SEC14L3: variants seen among roughly 807,000 people sequenced by gnomAD.
SEC14L3 encodes the protein SEC14 like lipid binding 3.
SEC14L3 carries 56 observed loss-of-function variants against 57.4 expected under a neutral mutation model. The observed-to-expected ratio is 0.97, with a 90% CI of 0.79 to 1.22. The LOEUF (loss-of-function observed/expected upper bound fraction) is 1.22, where lower values mean the gene tolerates loss of function less well. SEC14L3 is among the 50% of genes most tolerant of loss of function. The pLI, the probability that SEC14L3 is intolerant of heterozygous loss-of-function variation, is 0.00. For missense variants in SEC14L3, 485 were observed against 511.7 expected (o/e 0.95, Z 0.50); for synonymous variants, 173 against 194.4 (o/e 0.89, Z 0.92).
rs116180803 is a variant in SEC14L3, at chr22:30,461,712, G to A, written c.772-18C>T. On this transcript the variant is annotated intron_variant, in intron 9 of 11. Transcript: ENST00000215812. ...TAGTTAATCTGCGGACATGGGATGA[G>A]ATGGGCTTGCTTCCGTCTCCTGGCC... 1.9e-3 allele frequency: 3,017 copies of A among 1,607,304 alleles called. 29 individuals carry two copies. The highest frequency in any genetic ancestry group is 0.017 in the South Asian group (1,568 of 90,036).
At position 30,464,907 on chromosome 22, in the gene SEC14L3, G is replaced by C; in HGVS notation, c.581-4C>G. 6.2e-7 allele frequency: 1 copy of C among 1,613,778 alleles called. No individual in the cohort carries two copies. The highest frequency in any genetic ancestry group is 8.5e-7 in the Non-Finnish European group (1 of 1,179,666). On this transcript the variant is annotated splice_region_variant and splice_polypyrimidine_tract_variant and intron_variant, in intron 7 of 11. Transcript: ENST00000215812. The stretch of plus-strand genomic sequence containing the variant: ...CCCACAGGGAACAGTTTGGTAGCTG[G>C]AGAGATAGAAGTAAGGATAATGGGA...
rs1935188869 is a variant in SEC14L3 at position 30,459,641 on chromosome 22, A to G, written c.*380T>C. The G allele has an allele frequency of 1.0e-6, 1 of 1,004,770 alleles. No homozygotes were observed. Among genetic ancestry groups the G allele is most frequent in the Non-Finnish European group, 1.2e-6 (1 of 840,460 alleles). The allele number at this position is 1,004,770 out of a possible 1,614,324, so 62.2% of individuals were successfully genotyped here. A position where few individuals can be genotyped will look rare whatever the true frequency, so the allele number is the denominator to read the frequency against. On this transcript the variant is annotated 3_prime_UTR_variant, in exon 12 of 12. Transcript: ENST00000215812. ...TCTACTATATATAGGGAGTGGAAGTAAAAAGGATTTAGATATGTCTCCAAC... is the reference window on the plus strand; with the variant it reads ...TCTACTATATATAGGGAGTGGAAGTGAAAAGGATTTAGATATGTCTCCAAC...
chr22:30,456,045 C>T (rs567569582), downstream of SEC14L3, among the ~76,000 whole-genome samples: 10 of 152,222 alleles, frequency 6.6e-5, no homozygotes, highest in East Asian at 5.8e-4. Context: ...AGGTGGCTCA[C>T]GCTTGTAATC....
At chr22:30,466,257 A>T in intron 7 of SEC14L3, 77 bp downstream of exon 7, 1 of 1,393,436 alleles carries the variant, frequency 7.2e-7, no homozygotes, top group Non-Finnish European at 1.0e-6. Flanking sequence ...CAATCCTGGG[A>T]CAAAGACAGT....
At chr22:30,468,848 G>C in intron 4 of SEC14L3, 152 bp from the exon 5 acceptor site, 1 of 1,558,030 alleles carries the variant, frequency 6.4e-7, no homozygotes, top group Non-Finnish European at 8.7e-7. Flanking sequence ...AGGTGAGAAA[G>C]CTGAGGTCCT....
At chr22:30,469,867 C>T in intron 4 of SEC14L3, 152 bp downstream of exon 4, 1 of 626,170 alleles carries the variant, frequency 1.6e-6, no homozygotes. Flanking sequence ...CTTGCAAGCC[C>T]CCAGGAAACA....
chr22:30,471,758 G>A, intron 1 of SEC14L3, 147 bp downstream of exon 1: 1 of 1,145,558 alleles, frequency 8.7e-7, no homozygotes, highest in Non-Finnish European at 1.3e-6. Context: ...GGGCACCGTG[G>A]GGCTTGACCC....
chr22:30,463,675 C>T (rs1335968813), intron 8 of SEC14L3, among the ~76,000 whole-genome samples: 1 of 152,208 alleles, frequency 6.6e-6, no homozygotes, highest in Non-Finnish European at 1.5e-5. Flanking sequence ...CCTCAGTTCT[C>T]CTAATTCTGT....
chr22:30,460,184 C>T (rs752372929), intron 11 of SEC14L3, 42 bp from the exon 12 acceptor site: 1 of 1,603,004 alleles, frequency 6.2e-7, no homozygotes, highest in South Asian at 1.1e-5. Flanking sequence ...CTTGGCTTTA[C>T]ACACTCTTTT....
chr22:30,470,067 G>A lies in SEC14L3; in HGVS notation c.186C>T (p.Phe62=), dbSNP rs368585680. 1 of 1,598,208 alleles carries A rather than the reference G, an allele frequency of 6.3e-7. No homozygotes were observed. The highest frequency in any genetic ancestry group is 1.3e-5 in the African/African-American group (1 of 74,340). Residue 62 remains phenylalanine (F), a synonymous_variant, in exon 4 of 12, where the codon TTC becomes TTT. Transcript: ENST00000215812. ...TATGGTCAATATCCATGGTCTTCCG[G>A]AACTCCATGTACTGAAAGGGAAATG... ...SEALLRKYME[F]RKTMDIDHIL...
At chr22:30,457,627 C>G (rs1415375445), downstream of SEC14L3, among the ~76,000 whole-genome samples, 5 of 151,950 alleles carry the variant, frequency 3.3e-5, no homozygotes. Flanking sequence ...AAGTGATCCG[C>G]CTGCCTTGGC....
chr22:30,466,461 A>C (rs1220544367), intron 6 of SEC14L3, 67 bp from the exon 7 acceptor site: 1 of 1,610,882 alleles, frequency 6.2e-7, no homozygotes, highest in African/African-American at 1.3e-5. Context: ...TCTCCTGTGC[A>C]ATCTCCTGTT....
chr22:30,448,613 A>T (rs1934922508), exon 13 of SEC14L3: 2 of 151,256 alleles, frequency 1.3e-5, no homozygotes, highest in African/African-American at 2.5e-5. Context: ...TGGCTCACAC[A>T]TGTAATCCTA....
chr22:30,459,307 T>A lies in SEC14L3; in HGVS notation c.*714A>T. 1 of 985,436 alleles carries A rather than the reference T, an allele frequency of 1.0e-6. No homozygotes were observed. The highest frequency in any genetic ancestry group is 1.2e-6 in the Non-Finnish European group (1 of 829,934). 61.0% of individuals were successfully genotyped at this position (985,436 alleles called of 1,614,324 possible). The stretch of plus-strand genomic sequence containing the variant: ...AGGAAAGTCCCTAAAACATAAGCTA[T>A]GTGCAACAAGGGAAGTGGGTTAGGG... On this transcript the variant is annotated 3_prime_UTR_variant, in exon 12 of 12. Transcript: ENST00000215812.
intron 8 of SEC14L3, 112 bp from the exon 9 acceptor site, chr22:30,462,304 G>T: frequency 2.1e-6 from 3 of 1,445,936 alleles, no homozygotes; most frequent in South Asian, 3.0e-5. Flanking sequence ...GAGGTAGGCT[G>T]CCAGGACCAA....
chr22:30,463,838 A>G (rs998622884), intron 8 of SEC14L3, among the ~76,000 whole-genome samples: 9 of 152,240 alleles, frequency 5.9e-5, no homozygotes, highest in African/African-American at 2.2e-4. Flanking sequence ...ATTATTATAC[A>G]GTTTAGAAAT....
At position 30,470,238 on chromosome 22, in the gene SEC14L3, G is replaced by A. The variant is rs765163648; in HGVS notation, c.148C>T (p.Gln50Ter). Residue 50 changes from glutamine (Q) to a stop codon, truncating the protein, a stop_gained, in exon 3 of 12, where the codon CAG becomes TAG. Coordinates refer to ENST00000215812, the MANE Select transcript of SEC14L3 (RefSeq NM_174975.5). LOFTEE classifies it high-confidence loss of function. ...TTGCGGAGCAAAGCCTCCGACTTCT[G>A]CAAGTCAAAATTCCGAGCTGTGGGA... is the stretch of plus-strand genomic sequence containing the variant. ...RWLRARNFDL[Q>*]KSEALLRKYM... is the part of the protein sequence containing the mutation. The A allele has an allele frequency of 1.2e-6, 2 of 1,613,790 alleles. No homozygotes were observed. The highest frequency in any genetic ancestry group is 2.2e-5 in the South Asian group (2 of 90,998).
In SEC14L3 at chr22:30,466,954, G is replaced by C. The variant is rs112255789; in HGVS notation, c.519+28C>G. 16 of 1,590,178 alleles carry C rather than the reference G, an allele frequency of 1.0e-5. No individual in the cohort carries two copies. In the Admixed American group the frequency reaches 1.2e-4, roughly 12 times the overall value. ...GGCCAAGCTGGTCATCAAAGCAAGCGGGGGGTGGCCCTAGGACTTCTCCTT... is the reference window on the plus strand; with the variant it reads ...GGCCAAGCTGGTCATCAAAGCAAGCCGGGGGTGGCCCTAGGACTTCTCCTT... On this transcript the variant is annotated intron_variant, in intron 6 of 11. Coordinates refer to ENST00000215812, the MANE Select transcript of SEC14L3 (RefSeq NM_174975.5).
At chr22:30,457,375 G>C (rs1935136537), downstream of SEC14L3, among the ~76,000 whole-genome samples, 2 of 104,560 alleles carry the variant, frequency 1.9e-5, no homozygotes, top group South Asian at 7.7e-4. Context: ...TTTTAAGTAT[G>C]TCTTTTTTTT....
Sources: allele counts gnomAD v4.1 joint callset (sites outside exome capture counted in the v4.1 genomes callset), GRCh38; gene constraint gnomAD v4.1.1; transcripts MANE v1.5; gene names NCBI Gene and HGNC (gene_info 2026-07-23, HGNC 2026-07-21).